Variants in TMEM131 observed in about 807,000 individuals in gnomAD.
TMEM131 encodes 2610524E03Rik.
Under a neutral mutation model 211.6 loss-of-function variants are expected in TMEM131, and 66 were observed. The ratio of observed to expected loss-of-function variants is 0.31; its 90% CI spans 0.26 to 0.38. The LOEUF (loss-of-function observed/expected upper bound fraction) is 0.38. Ranked by LOEUF, TMEM131 falls within the 10% of genes least tolerant of loss-of-function variation. The pLI is 1.00. For missense variants in TMEM131, 2,036 were observed against 2,299.3 expected (o/e 0.89, Z 2.34); for synonymous variants, 844 against 841.3 (o/e 1.00, Z -0.06).
chr2:97,856,573 T>C (rs1464566298), intron 5 of TMEM131, among the ~76,000 whole-genome samples: 1 of 152,204 alleles, frequency 6.6e-6, no homozygotes, highest in Non-Finnish European at 1.5e-5. Flanking sequence ...TTATAGACAA[T>C]GTTTTATTGT....
At chr2:97,963,980 A>G (rs1678931531) in intron 1 of TMEM131, among the ~76,000 whole-genome samples, 2 of 152,348 alleles carry the variant, frequency 1.3e-5, no homozygotes, top group South Asian at 4.1e-4. Context: ...TCCAGAATCC[A>G]GTTCTAACAG....
intron 3 of TMEM131, among the ~76,000 whole-genome samples, chr2:97,904,396 AAGAG>A (rs1337714408): frequency 6.6e-6 from 1 of 152,216 alleles, no homozygotes; most frequent in African/African-American, 2.4e-5. Context: ...AGAGTTAAAA[AAGAG>A]AGATTAGGAG....
intron 1 of TMEM131, among the ~76,000 whole-genome samples, chr2:97,976,960 CA>C (rs34708023): frequency 0.31 from 34,499 of 111,920 alleles, 4,841 homozygotes; most frequent in Non-Finnish European, 0.38. Context: ...TATTTATATG[CA>C]AAAAAAAAAA....
intron 22 of TMEM131, among the ~76,000 whole-genome samples, chr2:97,803,961 G>A (rs184663491): frequency 1.1e-3 from 171 of 152,262 alleles, no homozygotes; most frequent in Non-Finnish European, 2.1e-3. Flanking sequence ...AGTCTCTTTT[G>A]TATTCATTTT....
chr2:97,859,082 T>C (rs555633170), intron 5 of TMEM131, among the ~76,000 whole-genome samples: 1 of 152,244 alleles, frequency 6.6e-6, no homozygotes, highest in Non-Finnish European at 1.5e-5. Context: ...GCTACCTTTT[T>C]CAGAGTATTT....
At chr2:97,795,607 A>G (rs1483007823) in intron 28 of TMEM131, among the ~76,000 whole-genome samples, 1 of 152,204 alleles carries the variant, frequency 6.6e-6, no homozygotes, top group African/African-American at 2.4e-5. Flanking sequence ...TTGCATCTTT[A>G]GGTGTCAAAC....
chr2:97,810,391 C>T (rs1474649389), intron 18 of TMEM131, among the ~76,000 whole-genome samples: 1 of 152,062 alleles, frequency 6.6e-6, no homozygotes, highest in Non-Finnish European at 1.5e-5. Flanking sequence ...CCATGAATTC[C>T]TCACCTGACA....
intron 11 of TMEM131, among the ~76,000 whole-genome samples, chr2:97,824,721 A>G (rs1214676446): frequency 6.6e-6 from 1 of 152,230 alleles, no homozygotes; most frequent in Non-Finnish European, 1.5e-5. Flanking sequence ...AAATCAGGCT[A>G]AAAGACTCCA....
At chr2:97,826,587 G>C (rs1284218903) in intron 11 of TMEM131, among the ~76,000 whole-genome samples, 1 of 150,652 alleles carries the variant, frequency 6.6e-6, no homozygotes, top group Non-Finnish European at 1.5e-5. Context: ...AGAGAGAGAG[G>C]AAGAGACAGA....
At chr2:97,870,390 G>A (rs1674442403) in intron 4 of TMEM131, among the ~76,000 whole-genome samples, 1 of 152,120 alleles carries the variant, frequency 6.6e-6, no homozygotes, top group Non-Finnish European at 1.5e-5. Flanking sequence ...ATTTCCAAAT[G>A]CCTGCCAGTG....
chr2:97,855,664 C>T (rs892902366), intron 5 of TMEM131, among the ~76,000 whole-genome samples: 2 of 150,424 alleles, frequency 1.3e-5, no homozygotes, highest in Non-Finnish European at 2.9e-5. Flanking sequence ...CATGCCACTG[C>T]ACTCCAGCCT....
chr2:97,901,318 C>T (rs929968543), intron 3 of TMEM131, among the ~76,000 whole-genome samples: 3 of 152,104 alleles, frequency 2.0e-5, no homozygotes, highest in African/African-American at 4.8e-5. Flanking sequence ...ATTTCCTCTA[C>T]GTTTTCTTCA....
intron 3 of TMEM131, among the ~76,000 whole-genome samples, chr2:97,901,116 T>C (rs528605766): frequency 5.9e-5 from 9 of 152,266 alleles, no homozygotes; most frequent in Admixed American, 4.6e-4. Flanking sequence ...TGAAAATACA[T>C]ACACAAGAGA....
intron 31 of TMEM131, among the ~76,000 whole-genome samples, chr2:97,777,053 T>TTCCCAG (rs1679771516): frequency 1.3e-5 from 2 of 152,184 alleles, no homozygotes; most frequent in African/African-American, 2.4e-5. Flanking sequence ...CCGAACATAT[T>TTCCCAG]TCCCAGCAGT....
intron 1 of TMEM131, among the ~76,000 whole-genome samples, chr2:97,961,579 GT>G (rs1678818616): frequency 6.6e-6 from 1 of 152,154 alleles, no homozygotes; most frequent in South Asian, 2.1e-4. Flanking sequence ...GGAAATGGAA[GT>G]AACTAAAACA....
intron 12 of TMEM131, 24 bp downstream of exon 12, chr2:97,818,589 A>T (rs1318153537): frequency 2.8e-6 from 4 of 1,435,796 alleles, no homozygotes; most frequent in Non-Finnish European, 3.9e-6. Context: ...TCACTCTATC[A>T]GAGAGAAAAT....
At chr2:97,779,169 C>T (rs1049168308) in intron 31 of TMEM131, among the ~76,000 whole-genome samples, 6 of 152,200 alleles carry the variant, frequency 3.9e-5, no homozygotes, top group Non-Finnish European at 5.9e-5. Context: ...AGCCACTGGT[C>T]CATGGTATCA....
chr2:97,971,241 C>A (rs1679281184), intron 1 of TMEM131, among the ~76,000 whole-genome samples: 1 of 152,118 alleles, frequency 6.6e-6, no homozygotes, highest in Admixed American at 6.5e-5. Flanking sequence ...TTTCAGAGAT[C>A]ACTGAAATTG....
chr2:97,896,962 T>A (rs1252570786), intron 3 of TMEM131, among the ~76,000 whole-genome samples: 2 of 151,798 alleles, frequency 1.3e-5, no homozygotes, highest in Non-Finnish European at 2.9e-5. Flanking sequence ...TTCTAATCCA[T>A]GAACGCGGAA....
Sources: gnomAD v4.1 joint callset for allele counts (sites outside exome capture counted in the v4.1 genomes callset) on GRCh38, gnomAD v4.1.1 for gene constraint, MANE v1.5 for transcripts, NCBI Gene and HGNC (gene_info 2026-07-23, HGNC 2026-07-21) for gene names.